Variants in RBFOX1 observed in about 807,000 individuals in gnomAD.
RBFOX1 encodes the protein RNA binding protein fox-1 homolog 1.
Under a neutral mutation model 57.7 loss-of-function variants are expected in RBFOX1, and 8 were observed. The ratio of observed to expected loss-of-function variants is 0.14; its 90% confidence interval spans 0.08 to 0.25. The LOEUF is 0.25. Among genes scored for constraint, RBFOX1 ranks in the 10% least tolerant of loss-of-function variants. The pLI is 1.00. For synonymous variants in RBFOX1, 326 were observed against 222.4 expected (o/e 1.47, Z -4.15); for missense variants, 611 against 548.5 (o/e 1.11, Z -1.14).
rs563014964 is a variant in RBFOX1, at chr16:7,159,055, C to A, written c.27+106957C>A. The stretch of plus-strand genomic sequence containing the variant: ...GTCCCTACCTGCTGGCAACCACTAA[C>A]CTGTTCTTCACTTCTGAAGTTCTAT... On this transcript the variant is annotated intron_variant, in intron 4 of 15. Transcript: ENST00000550418. Among the ~76,000 whole-genome samples the A allele has an allele frequency of 2.6e-5, 4 of 151,944 alleles. No individual in the cohort carries two copies. The South Asian group carries it at 8.4e-4, about 32-fold the overall frequency.
At chr16:6,664,695 C>T (rs2098721146) in intron 3 of RBFOX1, among the ~76,000 whole-genome samples, 1 of 152,164 alleles carries the variant, frequency 6.6e-6, no homozygotes, top group Non-Finnish European at 1.5e-5. Flanking sequence ...GTTCAGAACC[C>T]ACAGATAGGC....
chr16:7,039,542 C>T (rs1013271937), intron 3 of RBFOX1, among the ~76,000 whole-genome samples: 2 of 152,130 alleles, frequency 1.3e-5, no homozygotes, highest in East Asian at 1.9e-4. Context: ...GATTATTTCT[C>T]ACCTCCTTTC....
At chr16:6,899,180 AATATG>A (rs141431290) in intron 3 of RBFOX1, among the ~76,000 whole-genome samples, 26,110 of 150,910 alleles carry the variant, frequency 0.17, 2,348 homozygotes, top group South Asian at 0.28. Flanking sequence ...GTGTGTGTAT[AATATG>A]TGTGTGAGTG....
intron 2 of RBFOX1, among the ~76,000 whole-genome samples, chr16:6,506,415 T>G (rs1403414149): frequency 2.6e-5 from 4 of 151,926 alleles, no homozygotes; most frequent in Non-Finnish European, 5.9e-5. Context: ...AAAGGCTTAG[T>G]TGGAGAAACA....
intron 4 of RBFOX1, among the ~76,000 whole-genome samples, chr16:7,338,453 T>A (rs1261392298): frequency 6.6e-6 from 1 of 152,174 alleles, no homozygotes; most frequent in Non-Finnish European, 1.5e-5. Context: ...TGGAGTGCAG[T>A]GGTGCAATCA....
intron 2 of RBFOX1, among the ~76,000 whole-genome samples, chr16:5,492,512 G>C (rs533393818): frequency 6.6e-6 from 1 of 152,328 alleles, no homozygotes; most frequent in South Asian, 2.1e-4. Context: ...TGTGAGCTTA[G>C]ACCTGAAGAT....
chr16:5,439,528 C>T (rs150303554), intron 1 of RBFOX1, among the ~76,000 whole-genome samples: 7 of 151,862 alleles, frequency 4.6e-5, no homozygotes, highest in Non-Finnish European at 5.9e-5. Flanking sequence ...ATAGGTATCT[C>T]GTAGGTAGAA....
intron 4 of RBFOX1, among the ~76,000 whole-genome samples, chr16:5,935,509 G>A (rs1045594719): frequency 1.3e-5 from 2 of 152,190 alleles, no homozygotes; most frequent in African/African-American, 4.8e-5. Context: ...TGGCCCTGGG[G>A]TGATTAGGGC....
At chr16:7,286,093 T>C (rs1012894182) in intron 4 of RBFOX1, among the ~76,000 whole-genome samples, 3 of 152,206 alleles carry the variant, frequency 2.0e-5, no homozygotes, top group Non-Finnish European at 4.4e-5. Flanking sequence ...TCTATAAATA[T>C]TTATAGATGA....
At chr16:5,428,908 C>G (rs1188935109) in intron 1 of RBFOX1, among the ~76,000 whole-genome samples, 6 of 152,088 alleles carry the variant, frequency 3.9e-5, no homozygotes, top group African/African-American at 1.4e-4. Context: ...AATATTTACT[C>G]AGTAAGGTAT....
At chr16:7,321,434 C>T (rs1335237104) in intron 4 of RBFOX1, among the ~76,000 whole-genome samples, 3 of 152,102 alleles carry the variant, frequency 2.0e-5, no homozygotes, top group Non-Finnish European at 2.9e-5. Context: ...GTGTGAGCCA[C>T]CATACCTGTC....
intron 3 of RBFOX1, among the ~76,000 whole-genome samples, chr16:5,818,700 G>T (rs1339915442): frequency 1.3e-5 from 2 of 152,202 alleles, no homozygotes; most frequent in African/African-American, 4.8e-5. Context: ...CTTGACCGTA[G>T]AGGGGACAAC....
Position 6,874,589 on chromosome 16 carries a change from T to A in RBFOX1, c.-15-177468T>A, listed in dbSNP as rs1371641935. Among the ~76,000 whole-genome samples the A allele has an allele frequency of 2.0e-5, 3 of 151,374 alleles. No homozygotes were observed. In the South Asian group the frequency reaches 6.3e-4, roughly 32 times the overall value. ...TGGATGGAGTGAGAGGCCGTTATTGTAAGTGAAGTAACTCAGGAATGGAAA... is the reference window on the plus strand; with the variant it reads ...TGGATGGAGTGAGAGGCCGTTATTGAAAGTGAAGTAACTCAGGAATGGAAA... On this transcript the variant is annotated intron_variant, in intron 3 of 15. Coordinates refer to ENST00000550418, the MANE Select transcript of RBFOX1 (RefSeq NM_018723.4).
intron 2 of RBFOX1, among the ~76,000 whole-genome samples, chr16:5,582,806 C>T (rs897315138): frequency 1.1e-4 from 17 of 152,258 alleles, no homozygotes; most frequent in Admixed American, 9.2e-4. Flanking sequence ...GTTATCAGTT[C>T]AGCCCCAAGT....
At chr16:5,975,501 C>T (rs753780644) in intron 4 of RBFOX1, among the ~76,000 whole-genome samples, 1 of 152,168 alleles carries the variant, frequency 6.6e-6, no homozygotes, top group Non-Finnish European at 1.5e-5. Context: ...TTTAGTATTG[C>T]TTGGCATTTG....
intron 3 of RBFOX1, among the ~76,000 whole-genome samples, chr16:6,925,909 A>G (rs1223626660): frequency 6.6e-6 from 1 of 152,084 alleles, no homozygotes; most frequent in Non-Finnish European, 1.5e-5. Flanking sequence ...TCATCTATTT[A>G]TTTATTTACT....
At chr16:7,265,139 T>A (rs1382112022) in intron 4 of RBFOX1, among the ~76,000 whole-genome samples, 2 of 152,240 alleles carry the variant, frequency 1.3e-5, no homozygotes, top group Non-Finnish European at 2.9e-5. Flanking sequence ...TTCTGCGCAC[T>A]AAGGGTGCAG....
At chr16:6,576,059 C>T (rs2097430726) in intron 2 of RBFOX1, among the ~76,000 whole-genome samples, 2 of 152,098 alleles carry the variant, frequency 1.3e-5, no homozygotes, top group Admixed American at 1.3e-4. Flanking sequence ...CAATGACTAG[C>T]ATGGCAGGCT....
intron 2 of RBFOX1, among the ~76,000 whole-genome samples, chr16:5,553,638 G>A (rs1023470174): frequency 7.1e-6 from 1 of 141,346 alleles, no homozygotes; most frequent in Non-Finnish European, 1.6e-5. Flanking sequence ...TTAAAACTGT[G>A]CAGTAAGCTA....
Sources: gnomAD v4.1 joint callset for allele counts (sites outside exome capture counted in the v4.1 genomes callset) on GRCh38, gnomAD v4.1.1 for gene constraint, MANE v1.5 for transcripts, NCBI Gene and HGNC (gene_info 2026-07-23, HGNC 2026-07-21) for gene names.